The following ASPG variants were observed in gnomAD, a reference collection of about 807,000 sequenced individuals.
ASPG encodes the protein 60 kDa lysophospholipase.
A neutral mutation model predicts 63.2 loss-of-function variants in ASPG; 53 were observed. The observed-to-expected ratio is 0.84, with a 90% CI of 0.67 to 1.05. The LOEUF is 1.05. ASPG is among the 50% of genes least tolerant of loss of function. The probability of loss-of-function intolerance (pLI) is 0.00; values close to 1 mark genes in which losing one functional copy is unlikely to be tolerated. For synonymous variants in ASPG, 370 were observed against 355.0 expected (o/e 1.04, Z -0.48); for missense variants, 741 against 794.4 (o/e 0.93, Z 0.81).
intron 13 of ASPG, chr14:104,111,050 G>A (rs2037362223): frequency 1.5e-5 from 15 of 985,334 alleles, no homozygotes; most frequent in African/African-American, 1.7e-5. Context: ...CCACCTTTGC[G>A]GACCCCGCCC....
intron 12 of ASPG, among the ~76,000 whole-genome samples, chr14:104,107,615 C>T (rs1235981621): frequency 6.6e-6 from 1 of 152,144 alleles, no homozygotes; most frequent in Non-Finnish European, 1.5e-5. Flanking sequence ...GGCAGAAGGT[C>T]CTGGCCCAGC....
intron 6 of ASPG, among the ~76,000 whole-genome samples, chr14:104,100,502 G>A (rs558740036): frequency 2.6e-5 from 4 of 152,312 alleles, no homozygotes; most frequent in African/African-American, 9.6e-5. Context: ...CCCACAGGGA[G>A]GCACCGACTC....
intron 3 of ASPG, among the ~76,000 whole-genome samples, chr14:104,095,255 G>T (rs925251288): frequency 6.6e-6 from 1 of 152,230 alleles, no homozygotes; most frequent in Admixed American, 6.5e-5. Context: ...GTGTGCAGAG[G>T]CCCCTTGGAG....
At position 104,107,162 on chromosome 14, in the gene ASPG, A is replaced by C. The variant is rs771658050; in HGVS notation, c.1270-20A>C. 6.5e-7 allele frequency: 1 copy of C among 1,536,900 alleles called. No homozygotes were observed. Among genetic ancestry groups the C allele is most frequent in the African/African-American group, 1.4e-5 (1 of 73,026 alleles). On this transcript the variant is annotated intron_variant, in intron 11 of 15. Coordinates refer to ENST00000551177, the MANE Select transcript of ASPG (RefSeq NM_001080464.3). ...CGCCTGGGTCTCCCTCAGGGGTCGC[A>C]TGTCCTTGTGTTACTCCAGGGCAGT...
In ASPG at chr14:104,112,808, G is replaced by C. The variant is rs1299925623; in HGVS notation, c.*264G>C. On this transcript the variant is annotated 3_prime_UTR_variant, in exon 16 of 16. Transcript: ENST00000551177. Reference sequence around the variant, plus strand: ...CCAGGCTCTGTGGGGTCTCTGCGGGGGTCACTTGGCCCATCCTTCCGGGGG... The same window carrying C: ...CCAGGCTCTGTGGGGTCTCTGCGGGCGTCACTTGGCCCATCCTTCCGGGGG... The C allele has an allele frequency of 1.5e-6, 1 of 671,638 alleles. No homozygotes were observed. Among genetic ancestry groups the C allele is most frequent in the Non-Finnish European group, 2.4e-6 (1 of 417,514 alleles). 41.6% of individuals were successfully genotyped at this position (671,638 alleles called of 1,614,324 possible). A position where few individuals can be genotyped will look rare whatever the true frequency, so the allele number is the denominator to read the frequency against.
rs770948011 is a variant in ASPG at position 104,092,773 on chromosome 14, G to A, written c.191+32G>A. On this transcript the variant is annotated intron_variant, in intron 2 of 15. Transcript: ENST00000551177. ...GTGGGCTCCTCCCAGTCCCGGACAG[G>A]GCATGGCTGCTGAGGGGCACCGATC... The A allele has an allele frequency of 4.6e-6, 7 of 1,518,804 alleles. No homozygotes were observed. The South Asian group carries it at 6.0e-5, about 13-fold the overall frequency. The allele number at this position is 1,518,804 out of a possible 1,614,324, so 94.1% of individuals were successfully genotyped here. A position where few individuals can be genotyped will look rare whatever the true frequency, so the allele number is the denominator to read the frequency against.
At chr14:104,107,961 G>A (rs2037212915) in intron 12 of ASPG, among the ~76,000 whole-genome samples, 1 of 152,234 alleles carries the variant, frequency 6.6e-6, no homozygotes, top group Admixed American at 6.5e-5. Context: ...CAGGGCCCCT[G>A]GGGATTCCTC....
At chr14:104,093,788 G>T (rs1466313311) in intron 3 of ASPG, among the ~76,000 whole-genome samples, 186 bp downstream of exon 3, 4 of 144,238 alleles carry the variant, frequency 2.8e-5, no homozygotes, top group Non-Finnish European at 6.1e-5. Flanking sequence ...CGGGGCTGTG[G>T]AGTGTGGGTG....
rs549061898 is a variant in ASPG, at chr14:104,097,160, G to T, written c.430-394G>T. ...CCTGTGATGCGTTCTCCAGTATGGG[G>T]ACCGGCTGGCCCCTGCTGCCAGCAC... On this transcript the variant is annotated intron_variant, in intron 4 of 15. Coordinates refer to ENST00000551177, the MANE Select transcript of ASPG (RefSeq NM_001080464.3). 5.3e-5 allele frequency among the ~76,000 whole-genome samples: 8 copies of T among 152,326 alleles called. No homozygotes were observed. The East Asian group carries it at 1.5e-3, about 29-fold the overall frequency.
At chr14:104,111,782 G>T in intron 14 of ASPG, 138 bp from the exon 15 acceptor site, 1 of 986,958 alleles carries the variant, frequency 1.0e-6, no homozygotes, top group Non-Finnish European at 1.5e-6. Flanking sequence ...AGTGGTGGGG[G>T]TGACGAGAGT....
chr14:104,111,306 C>T, intron 13 of ASPG, 196 bp from the exon 14 acceptor site: 12 of 737,056 alleles, frequency 1.6e-5, no homozygotes, highest in African/African-American at 1.9e-5. Flanking sequence ...GTCGCAGTCC[C>T]ACCCACTGGG....
chr14:104,099,455 C>T (rs1343511260), intron 6 of ASPG, among the ~76,000 whole-genome samples: 1 of 152,190 alleles, frequency 6.6e-6, no homozygotes, highest in Non-Finnish European at 1.5e-5. Context: ...GGGGCCAAGC[C>T]CGCCCCCTGG....
intron 4 of ASPG, among the ~76,000 whole-genome samples, chr14:104,097,323 T>A (rs547642812): frequency 5.1e-4 from 78 of 152,216 alleles, no homozygotes; most frequent in African/African-American, 1.8e-3. Flanking sequence ...GGGACAGCTG[T>A]TGTTGGCGGC....
chr14:104,087,451 G>A (rs2036250867), intron 1 of ASPG, among the ~76,000 whole-genome samples: 1 of 152,218 alleles, frequency 6.6e-6, no homozygotes, highest in Non-Finnish European at 1.5e-5. Context: ...AGCTGGGTGT[G>A]TGGATGGTGT....
intron 1 of ASPG, among the ~76,000 whole-genome samples, chr14:104,090,283 CAT>C (rs1214566350): frequency 1.3e-5 from 2 of 152,358 alleles, no homozygotes; most frequent in East Asian, 1.9e-4. Flanking sequence ...TGTTCCCCCA[CAT>C]GAGTCAGCAG....
At chr14:104,093,020 A>C in intron 2 of ASPG, 5 of 516,990 alleles carry the variant, frequency 9.7e-6, no homozygotes, top group Non-Finnish European at 1.7e-5. Flanking sequence ...CGCCCCGTCT[A>C]GGGATCCTGT....
chr14:104,102,685 T>A (rs1413624904), intron 6 of ASPG, among the ~76,000 whole-genome samples: 1 of 152,116 alleles, frequency 6.6e-6, no homozygotes, highest in South Asian at 2.1e-4. Context: ...TCTGAGGGTT[T>A]GGGGGCCGGG....
intron 5 of ASPG, 126 bp from the exon 6 acceptor site, chr14:104,098,727 G>C (rs1047153213): frequency 1.7e-5 from 24 of 1,429,266 alleles, no homozygotes; most frequent in Non-Finnish European, 1.6e-5. Context: ...CCTGCGGTGG[G>C]TGGGGTTACA....
rs1038267298 is a variant in ASPG, at chr14:104,091,578, G to T, written c.83-1055G>T. On this transcript the variant is annotated intron_variant, in intron 1 of 15. Transcript: ENST00000551177. This position sits in a 1 kb window ranked among gnomAD's most constrained non-coding sequence, Gnocchi z 6.4. ...CGGGGCCAAGGGCTGGTGTCCCGGG[G>T]CTGGTGACTTAACAGGCAGAGATGT... 6.6e-6 allele frequency among the ~76,000 whole-genome samples: 1 copy of T among 152,224 alleles called. No individual in the cohort carries two copies. The highest frequency in any genetic ancestry group is 1.5e-5 in the Non-Finnish European group (1 of 68,044).
Sources: gnomAD v4.1 joint callset for allele counts (sites outside exome capture counted in the v4.1 genomes callset) on GRCh38, gnomAD v4.1.1 for gene constraint, Gnocchi (gnomAD v3.1) non-coding constraint, MANE v1.5 for transcripts, NCBI Gene and HGNC (gene_info 2026-07-23, HGNC 2026-07-21) for gene names.